Variants in ZFHX4 observed in about 807,000 individuals in gnomAD.
The protein encoded by ZFHX4 is zinc finger homeobox 4, also known as zinc finger homeobox protein 4.
In ZFHX4, 56 loss-of-function variants were observed where a neutral mutation model predicts 267.6. The ratio of observed to expected loss-of-function variants is 0.21; its 90% CI spans 0.17 to 0.26. ZFHX4 has a LOEUF of 0.26. Among genes scored for constraint, ZFHX4 ranks in the 10% least tolerant of loss-of-function variants. The pLI is 1.00. For synonymous variants in ZFHX4, 1,778 were observed against 1,665.6 expected, an observed-to-expected ratio of 1.07 and a Z score of -1.64; for missense variants, 4,332 against 4,420.0, an observed-to-expected ratio of 0.98 and a Z score of 0.56.
At chr8:76,790,451 C>A (rs1018920254) in intron 4 of ZFHX4, among the ~76,000 whole-genome samples, 3 of 151,684 alleles carry the variant, frequency 2.0e-5, no homozygotes, top group African/African-American at 7.3e-5. Context: ...ACTAAAAGTG[C>A]TATTATTGAA....
chr8:76,837,762 A>G (rs1386748321), intron 5 of ZFHX4, among the ~76,000 whole-genome samples: 3 of 152,212 alleles, frequency 2.0e-5, no homozygotes, highest in Admixed American at 1.3e-4. Context: ...AGTAGGCAAT[A>G]TACAGATAAT....
intron 4 of ZFHX4, among the ~76,000 whole-genome samples, chr8:76,825,057 A>G (rs1811749677): frequency 6.6e-6 from 1 of 152,212 alleles, no homozygotes; most frequent in African/African-American, 2.4e-5. Flanking sequence ...TAATAGTGAT[A>G]TTTTAAAGGC....
intron 3 of ZFHX4, among the ~76,000 whole-genome samples, chr8:76,738,204 A>C (rs1263362090): frequency 6.6e-6 from 1 of 152,084 alleles, no homozygotes; most frequent in African/African-American, 2.4e-5. Context: ...TTCTCAGGAC[A>C]CCCAGCCTTG....
At chr8:76,809,161 C>T (rs1360463009) in intron 4 of ZFHX4, among the ~76,000 whole-genome samples, 1 of 152,142 alleles carries the variant, frequency 6.6e-6, no homozygotes, top group Non-Finnish European at 1.5e-5. Flanking sequence ...AAAATCTAGA[C>T]ATTTGGAATA....
Position 76,852,942 on chromosome 8 carries a change from T to A in ZFHX4, c.6021T>A (p.Pro2007=), listed in dbSNP as rs1166136340. 1.3e-6 allele frequency: 2 copies of A among 1,576,540 alleles called. No individual in the cohort carries two copies. The change falls in exon 10 of 11, where the codon CCT becomes CCA. Residue 2007 remains proline (P), a synonymous_variant. Coordinates refer to ENST00000651372, the MANE Select transcript of ZFHX4 (RefSeq NM_024721.5). Reference sequence around the variant, plus strand: ...CTCCAGAAACGCCGCCCCCGCCACCTCCTCCTCCTCCCTTGCCTCCGGCTC... The same window carrying A: ...CTCCAGAAACGCCGCCCCCGCCACCACCTCCTCCTCCCTTGCCTCCGGCTC... The part of the protein sequence containing the change: ...PSSPETPPPP[P]PPPPLPPAPP...
At chr8:76,716,292 A>G (rs1329829369) in intron 3 of ZFHX4, among the ~76,000 whole-genome samples, 1 of 152,176 alleles carries the variant, frequency 6.6e-6, no homozygotes. Flanking sequence ...ACCCATATTG[A>G]CAATTGACTT....
At chr8:76,711,961 T>A (rs958106220) in intron 3 of ZFHX4, among the ~76,000 whole-genome samples, 1 of 152,236 alleles carries the variant, frequency 6.6e-6, no homozygotes, top group African/African-American at 2.4e-5. Context: ...GCTCTTTTAA[T>A]ATTATATGTA....
chr8:76,703,991 G>C (rs1808172781), intron 1 of ZFHX4, 52 bp from the exon 2 acceptor site: 1 of 1,194,972 alleles, frequency 8.4e-7, no homozygotes, highest in Non-Finnish European at 1.2e-6. Flanking sequence ...CTATTAGTGA[G>C]CTGTGTCATT....
intron 5 of ZFHX4, among the ~76,000 whole-genome samples, chr8:76,842,140 C>G (rs1246319926): frequency 6.6e-6 from 1 of 152,024 alleles, no homozygotes; most frequent in African/African-American, 2.4e-5. Flanking sequence ...CCCAATGTAA[C>G]TGAAGTTTTG....
At chr8:76,820,475 T>C (rs1811620040) in intron 4 of ZFHX4, among the ~76,000 whole-genome samples, 1 of 152,220 alleles carries the variant, frequency 6.6e-6, no homozygotes, top group Non-Finnish European at 1.5e-5. Context: ...TGTCACCTTT[T>C]ACACTAGTGA....
At chr8:76,696,634 C>CAA (rs34436337) in intron 1 of ZFHX4, among the ~76,000 whole-genome samples, 9 of 102,110 alleles carry the variant, frequency 8.8e-5, no homozygotes, top group Non-Finnish European at 1.6e-4. Context: ...ACTTTCAGGC[C>CAA]AAAAAAAAAA....
intron 3 of ZFHX4, among the ~76,000 whole-genome samples, chr8:76,723,929 A>G (rs1006024533): frequency 2.0e-5 from 3 of 151,710 alleles, no homozygotes; most frequent in Non-Finnish European, 4.4e-5. Flanking sequence ...GAATGAATGG[A>G]CTCTACTTGA....
chr8:76,852,019 C>A lies in ZFHX4; in HGVS notation c.5098C>A (p.His1700Asn). 6.2e-7 allele frequency: 1 copy of A among 1,614,008 alleles called. No homozygotes were observed. Among genetic ancestry groups the A allele is most frequent in the Non-Finnish European group, 8.5e-7 (1 of 1,179,888 alleles). Reference protein sequence around the residue: ...SPAQIQMQLQHELQQQAAFFQ... With the variant: ...SPAQIQMQLQNELQQQAAFFQ... The stretch of plus-strand genomic sequence containing the variant: ...AGCACAAATTCAGATGCAACTACAG[C>A]ACGAATTACAACAGCAAGCCGCATT... The change falls in exon 10 of 11, where the codon CAC becomes AAC. Residue 1700 changes from histidine to asparagine, a missense_variant. Transcript: ENST00000651372.
intron 1 of ZFHX4, among the ~76,000 whole-genome samples, chr8:76,698,934 C>G (rs1359855995): frequency 6.6e-6 from 1 of 152,114 alleles, no homozygotes; most frequent in Non-Finnish European, 1.5e-5. Context: ...GAAGCATTTT[C>G]TCTCGTGCTG....
chr8:76,854,253 C>CCAGCCACAGCCA lies in ZFHX4; in HGVS notation c.7346_7357dup (p.Gln2449_Pro2452dup), dbSNP rs745775400. On this transcript the variant is annotated inframe_insertion, in exon 10 of 11. Coordinates refer to ENST00000651372, the MANE Select transcript of ZFHX4 (RefSeq NM_024721.5). ...CGGACCCACCACAGGCATCCACAGC[C>CCAGCCACAGCCA]CAGCCACAGCCACAGCCACAGCCAC... 3 of 1,575,142 alleles carry CCAGCCACAGCCA rather than the reference C, an allele frequency of 1.9e-6. No individual in the cohort carries two copies. The highest frequency in any genetic ancestry group is 2.6e-6 in the Non-Finnish European group (3 of 1,160,532).
chr8:76,802,504 C>A (rs1563530943), intron 4 of ZFHX4, among the ~76,000 whole-genome samples: 1 of 152,070 alleles, frequency 6.6e-6, no homozygotes, highest in Non-Finnish European at 1.5e-5. Context: ...TTTTTAATTG[C>A]CATACAAACT....
intron 1 of ZFHX4, among the ~76,000 whole-genome samples, chr8:76,694,014 A>G (rs1807890160): frequency 6.6e-6 from 1 of 152,208 alleles, no homozygotes; most frequent in South Asian, 2.1e-4. Context: ...CCAAGACTGA[A>G]TAGCACTTTA....
intron 10 of ZFHX4, among the ~76,000 whole-genome samples, chr8:76,862,463 C>T (rs1165175503): frequency 6.6e-6 from 1 of 152,168 alleles, no homozygotes; most frequent in African/African-American, 2.4e-5. Context: ...CCTGGCTAAC[C>T]TTGTTCAGTC....
chr8:76,815,985 C>A (rs535796297), intron 4 of ZFHX4, among the ~76,000 whole-genome samples: 2 of 152,160 alleles, frequency 1.3e-5, no homozygotes, highest in South Asian at 4.1e-4. Context: ...TTGTCGTTAA[C>A]CTTGTTGCTA....
Sources: allele counts gnomAD v4.1 joint callset (sites outside exome capture counted in the v4.1 genomes callset), GRCh38; gene constraint gnomAD v4.1.1; transcripts MANE v1.5; gene names NCBI Gene and HGNC (gene_info 2026-07-23, HGNC 2026-07-21).